PTPRD: variants seen among roughly 807,000 people sequenced by gnomAD.
PTPRD encodes receptor-type tyrosine-protein phosphatase delta.
Under a neutral mutation model 214.5 loss-of-function variants are expected in PTPRD, and 34 were observed. The observed-to-expected ratio is 0.16, with a 90% CI of 0.12 to 0.21. The LOEUF is 0.21. Ranked by LOEUF, PTPRD falls within the 10% of genes least tolerant of loss-of-function variation. The pLI is 1.00. For synonymous variants in PTPRD, 1,128 were observed against 845.7 expected (o/e 1.33, Z -5.79); for missense variants, 2,545 against 2,398.7 (o/e 1.06, Z -1.27).
At chr9:8,473,185 T>C (rs1464479850) in intron 30 of PTPRD, among the ~76,000 whole-genome samples, 1 of 152,150 alleles carries the variant, frequency 6.6e-6, no homozygotes, top group African/African-American at 2.4e-5. Context: ...CACAATGCTT[T>C]CTCCATGGTG....
intron 5 of PTPRD, among the ~76,000 whole-genome samples, chr9:9,862,399 C>T (rs1179646017): frequency 1.3e-5 from 2 of 152,182 alleles, no homozygotes. Flanking sequence ...TGCCGTATAT[C>T]CAAACCTGCC....
intron 8 of PTPRD, among the ~76,000 whole-genome samples, chr9:9,402,764 C>A (rs1324359229): frequency 1.3e-5 from 2 of 151,354 alleles, no homozygotes; most frequent in Non-Finnish European, 2.9e-5. Flanking sequence ...CAGTGGGTAC[C>A]CATTTTCAGA....
At chr9:9,776,697 T>C (rs541086130) in intron 5 of PTPRD, among the ~76,000 whole-genome samples, 5 of 152,226 alleles carry the variant, frequency 3.3e-5, no homozygotes, top group Non-Finnish European at 7.3e-5. Flanking sequence ...ATGAAGATAG[T>C]GACTTTTACT....
At chr9:10,232,132 C>G (rs2099613616) in intron 3 of PTPRD, among the ~76,000 whole-genome samples, 1 of 151,542 alleles carries the variant, frequency 6.6e-6, no homozygotes, top group Non-Finnish European at 1.5e-5. Context: ...TGCCCTAGCA[C>G]CAAAGCCCTC....
At chr9:9,427,490 C>T (rs959810221) in intron 8 of PTPRD, among the ~76,000 whole-genome samples, 10 of 152,104 alleles carry the variant, frequency 6.6e-5, no homozygotes, top group African/African-American at 2.2e-4. Context: ...AAACACTCTT[C>T]AGGATATTAT....
intron 10 of PTPRD, among the ~76,000 whole-genome samples, chr9:9,072,938 C>A (rs541097642): frequency 1.3e-5 from 2 of 152,242 alleles, no homozygotes; most frequent in South Asian, 4.1e-4. Flanking sequence ...AAATTACGTG[C>A]CATCTTGAAC....
chr9:10,181,061 C>T (rs949235635), intron 3 of PTPRD, among the ~76,000 whole-genome samples: 1 of 152,046 alleles, frequency 6.6e-6, no homozygotes, highest in African/African-American at 2.4e-5. Context: ...CTAGGTAATG[C>T]TGTAAGTCAA....
At chr9:9,065,758 C>T (rs2099729021) in intron 10 of PTPRD, among the ~76,000 whole-genome samples, 1 of 152,066 alleles carries the variant, frequency 6.6e-6, no homozygotes, top group Non-Finnish European at 1.5e-5. Context: ...TGAAATGATA[C>T]ATTAATGTCT....
chr9:8,790,739 T>C (rs746108597), intron 11 of PTPRD, among the ~76,000 whole-genome samples: 2 of 151,480 alleles, frequency 1.3e-5, no homozygotes, highest in Non-Finnish European at 2.9e-5. Flanking sequence ...TACATACAAT[T>C]TGTATATTTG....
At chr9:9,700,266 C>G (rs1021896800) in intron 7 of PTPRD, among the ~76,000 whole-genome samples, 2 of 151,990 alleles carry the variant, frequency 1.3e-5, no homozygotes, top group East Asian at 3.8e-4. Context: ...TTTTAATATT[C>G]CTCTAAATCA....
chr9:8,474,952 T>C (rs184365275), intron 30 of PTPRD, among the ~76,000 whole-genome samples: 93 of 152,262 alleles, frequency 6.1e-4, no homozygotes, highest in Middle Eastern at 3.4e-3. Context: ...CTCTCATATA[T>C]CTCAACTTCT....
chr9:10,047,345 T>TGC (rs1304263374), intron 3 of PTPRD, among the ~76,000 whole-genome samples: 53 of 150,568 alleles, frequency 3.5e-4, no homozygotes, highest in Non-Finnish European at 7.4e-4. Context: ...TGTGCGTGTG[T>TGC]GTGTGTGCTT....
At chr9:9,459,336 G>C (rs977600424) in intron 8 of PTPRD, among the ~76,000 whole-genome samples, 5 of 152,056 alleles carry the variant, frequency 3.3e-5, no homozygotes, top group African/African-American at 9.7e-5. Context: ...TAAAATAGTA[G>C]TGGAAATACT....
chr9:8,827,332 T>C (rs1012631356), intron 11 of PTPRD, among the ~76,000 whole-genome samples: 6 of 152,052 alleles, frequency 3.9e-5, no homozygotes, highest in African/African-American at 1.4e-4. Context: ...TTAGACCAGG[T>C]GAGGTGGCTC....
At chr9:8,744,771 C>G (rs1327165687) in intron 11 of PTPRD, among the ~76,000 whole-genome samples, 2 of 152,166 alleles carry the variant, frequency 1.3e-5, no homozygotes, top group Non-Finnish European at 2.9e-5. Context: ...TAACCAAACA[C>G]CATCTGTTCC....
intron 10 of PTPRD, among the ~76,000 whole-genome samples, chr9:9,083,440 T>G (rs2154424718): frequency 6.6e-6 from 1 of 152,116 alleles, no homozygotes; most frequent in African/African-American, 2.4e-5. Context: ...GACCCCATAC[T>G]ATAAATCTCC....
intron 2 of PTPRD, among the ~76,000 whole-genome samples, chr9:10,408,208 C>A (rs1489207144): frequency 6.6e-6 from 1 of 151,444 alleles, no homozygotes; most frequent in East Asian, 2.0e-4. Context: ...TGATTTTGGA[C>A]CAAGAATGAA....
chr9:8,438,390 T>C (rs561310104), intron 34 of PTPRD, among the ~76,000 whole-genome samples: 4 of 152,330 alleles, frequency 2.6e-5, no homozygotes, highest in African/African-American at 9.6e-5. Flanking sequence ...CCAATAAAAC[T>C]GAATTGCTTG....
chr9:9,013,972 G>C (rs575800889), intron 11 of PTPRD, among the ~76,000 whole-genome samples: 4 of 152,094 alleles, frequency 2.6e-5, no homozygotes, highest in Admixed American at 2.6e-4. Context: ...TGGACTCTGA[G>C]TGCTCCCTCA....
Sources: allele counts gnomAD v4.1 joint callset (sites outside exome capture counted in the v4.1 genomes callset), GRCh38; gene constraint gnomAD v4.1.1; transcripts MANE v1.5; gene names NCBI Gene and HGNC (gene_info 2026-07-23, HGNC 2026-07-21).